The following UGT2A1 variants were observed in gnomAD, a reference collection of about 807,000 sequenced individuals.
The protein encoded by UGT2A1 is UDP-glucuronosyltransferase 2A1.
In UGT2A1, 61 loss-of-function variants were observed where a neutral mutation model predicts 45.4. The ratio of observed to expected loss-of-function variants is 1.34; its 90% CI spans 1.09 to 1.66. UGT2A1 has a LOEUF of 1.66. Among genes scored for constraint, UGT2A1 ranks in the 40% most tolerant of loss-of-function variants. The pLI, the probability that UGT2A1 is intolerant of heterozygous loss-of-function variation, is 0.00. For missense variants in UGT2A1, 649 were observed against 574.3 expected (o/e 1.13, Z -1.33); for synonymous variants, 229 against 196.2 (o/e 1.17, Z -1.40).
chr4:69,617,471 A>G (rs1318445345), intron 3 of UGT2A1, among the ~76,000 whole-genome samples: 1 of 151,956 alleles, frequency 6.6e-6, no homozygotes, highest in African/African-American at 2.4e-5. Flanking sequence ...ATGTGTACGT[A>G]TATACGTAGA....
intron 2 of UGT2A1, chr4:69,639,241 G>T: frequency 6.2e-7 from 1 of 1,613,674 alleles, no homozygotes. Context: ...CCATCACAGA[G>T]TTGTATGTTA....
chr4:69,639,326 G>A (rs779526990), intron 2 of UGT2A1: 2 of 1,613,648 alleles, frequency 1.2e-6, no homozygotes, highest in Admixed American at 3.3e-5. Context: ...TTGGTCTATG[G>A]TCAATCCACA....
At chr4:69,621,763 A>G (rs966377392) in intron 3 of UGT2A1, among the ~76,000 whole-genome samples, 4 of 152,012 alleles carry the variant, frequency 2.6e-5, no homozygotes, top group Admixed American at 1.3e-4. Context: ...AATGCCTATC[A>G]ACGACAGATT....
At chr4:69,632,061 T>C (rs1721418656) in intron 3 of UGT2A1, among the ~76,000 whole-genome samples, 2 of 152,224 alleles carry the variant, frequency 1.3e-5, no homozygotes, top group Non-Finnish European at 2.9e-5. Context: ...ATGTGATGTA[T>C]ATTAACTTTA....
At position 69,594,634 on chromosome 4, in the gene UGT2A1, A is replaced by T; in HGVS notation, c.1147T>A (p.Tyr383Asn). Residue 383 changes from tyrosine to asparagine, a missense_variant, in exon 6 of 7, where the codon TAC (tyrosine) becomes AAC (asparagine). By Grantham distance (143) the Tyr-to-Asn change is moderately radical (BLOSUM62 -2). Transcript: ENST00000286604. ...ACTCCCACCATAGGGACTCCGTGGT[A>T]AATAGCTTCGTAGATCCCATTAGTT... is the stretch of plus-strand genomic sequence containing the variant. ...GGTNGIYEAI[Y>N]HGVPMVGVPM... is the part of the protein sequence containing the mutation. 6.2e-7 allele frequency: 1 copy of T among 1,614,144 alleles called. No homozygotes were observed. Among genetic ancestry groups the T allele is most frequent in the Non-Finnish European group, 8.5e-7 (1 of 1,180,030 alleles).
chr4:69,597,633 C>A (rs1719009361), intron 4 of UGT2A1, among the ~76,000 whole-genome samples: 1 of 152,166 alleles, frequency 6.6e-6, no homozygotes, highest in South Asian at 2.1e-4. Context: ...TAGTTAATGT[C>A]AGGAGAATAT....
intron 3 of UGT2A1, among the ~76,000 whole-genome samples, chr4:69,606,253 G>A (rs933108187): frequency 1.5e-5 from 2 of 136,352 alleles, no homozygotes; most frequent in Non-Finnish European, 3.1e-5. Context: ...TCCCTGGGAC[G>A]CAAGGCTGGG....
At chr4:69,604,075 A>G (rs1719459717) in intron 3 of UGT2A1, among the ~76,000 whole-genome samples, 1 of 136,170 alleles carries the variant, frequency 7.3e-6, no homozygotes, top group African/African-American at 3.0e-5. Flanking sequence ...AACGCCACAA[A>G]GATACTCCTC....
intron 6 of UGT2A1, 132 bp downstream of exon 6, chr4:69,594,345 A>ATT (rs1357165363): frequency 1.1e-5 from 14 of 1,230,648 alleles, no homozygotes; most frequent in Non-Finnish European, 1.5e-5. Context: ...GGCAAATAAA[A>ATT]TAGTTTTTAT....
At chr4:69,600,758 A>C (rs899089114) in intron 3 of UGT2A1, among the ~76,000 whole-genome samples, 1 of 152,004 alleles carries the variant, frequency 6.6e-6, no homozygotes, top group Non-Finnish European at 1.5e-5. Flanking sequence ...GTTGTTTTGC[A>C]TGATGGGAGC....
At chr4:69,652,182 T>TC (rs1471833366) in intron 1 of UGT2A1, among the ~76,000 whole-genome samples, 2 of 92,094 alleles carry the variant, frequency 2.2e-5, no homozygotes, top group Non-Finnish European at 4.7e-5. Context: ...TGCCTTCTAC[T>TC]GGTTAACAAC....
At chr4:69,621,679 C>T (rs111268136) in intron 3 of UGT2A1, among the ~76,000 whole-genome samples, 6,221 of 151,948 alleles carry the variant, frequency 0.041, 151 homozygotes, top group East Asian at 0.069. Flanking sequence ...ATAAATCATT[C>T]TATCATAAAG....
At chr4:69,641,920 T>G (rs892364823) in intron 2 of UGT2A1, among the ~76,000 whole-genome samples, 12 of 151,792 alleles carry the variant, frequency 7.9e-5, no homozygotes, top group South Asian at 4.2e-4. Context: ...ATGATCAAAT[T>G]AATCCGATCT....
intron 2 of UGT2A1, chr4:69,638,855 A>G: frequency 2.7e-6 from 4 of 1,479,018 alleles, no homozygotes; most frequent in Non-Finnish European, 3.6e-6. Flanking sequence ...ATAAGAATAA[A>G]TAAGGGATGT....
At position 69,589,364 on chromosome 4, in the gene UGT2A1, T is replaced by C; in HGVS notation, c.*8A>G. The C allele has an allele frequency of 2.5e-6, 4 of 1,604,964 alleles. No individual in the cohort carries two copies. The highest frequency in any genetic ancestry group is 3.4e-6 in the Non-Finnish European group (4 of 1,175,640). On this transcript the variant is annotated 3_prime_UTR_variant, in exon 7 of 7. Transcript: ENST00000286604. ...TTAAAAATATATATATTTCCTCTTTTTCTTGACCTATTCTCTTTTTTTCTT... is the reference window on the plus strand; with the variant it reads ...TTAAAAATATATATATTTCCTCTTTCTCTTGACCTATTCTCTTTTTTTCTT...
At chr4:69,610,647 G>A (rs1323919428) in intron 3 of UGT2A1, among the ~76,000 whole-genome samples, 1 of 152,096 alleles carries the variant, frequency 6.6e-6, no homozygotes, top group African/African-American at 2.4e-5. Flanking sequence ...GAGTTCAAGG[G>A]TGGGTCTCTA....
In UGT2A1 at chr4:69,603,847, C is replaced by T. The variant is rs545394260; in HGVS notation, c.848-4453G>A. Among the ~76,000 whole-genome samples the T allele has an allele frequency of 3.7e-3, 496 of 135,580 alleles. 117 individuals are homozygous for T. The highest frequency in any genetic ancestry group is 0.014 in the African/African-American group (469 of 33,396). The allele number at this position is 135,580 out of a possible 152,430, so 88.9% of individuals were successfully genotyped here. On this transcript the variant is annotated intron_variant, in intron 3 of 6. Coordinates refer to ENST00000286604, the MANE Select transcript of UGT2A1 (RefSeq NM_001252275.3). Reference sequence around the variant, plus strand: ...GGAAGATCAAATGAATGAAATGAAGCGAGAAGAGAAGTTTAGAGAAAAAAG... The same window carrying T: ...GGAAGATCAAATGAATGAAATGAAGTGAGAAGAGAAGTTTAGAGAAAAAAG...
At chr4:69,625,234 C>G (rs1352723104) in intron 3 of UGT2A1, among the ~76,000 whole-genome samples, 1 of 149,992 alleles carries the variant, frequency 6.7e-6, no homozygotes, top group Non-Finnish European at 1.5e-5. Context: ...CTTTTTATTA[C>G]TCTTCAATAT....
At position 69,647,292 on chromosome 4, in the gene UGT2A1, A is replaced by G; in HGVS notation, c.353T>C (p.Phe118Ser). 4 of 1,613,420 alleles carry G rather than the reference A, an allele frequency of 2.5e-6. No homozygotes were observed. The highest frequency in any genetic ancestry group is 3.4e-6 in the Non-Finnish European group (4 of 1,179,582). The change falls in exon 2 of 7, where the codon TTC becomes TCC. Residue 118 changes from phenylalanine (F) to serine (S), a missense_variant. Phe to Ser is a radical substitution (Grantham distance 155, BLOSUM62 -2). Transcript: ENST00000286604. ...YQEMAKVIKDFHMVSQEICDG... is the reference protein window; with the variant it reads ...YQEMAKVIKDSHMVSQEICDG... ...ACAGATCTCCTGAGACACCATGTGG[A>G]AGTCCTTGATTACTTTGGCCATCTC...
Sources: allele counts gnomAD v4.1 joint callset (sites outside exome capture counted in the v4.1 genomes callset), GRCh38; gene constraint gnomAD v4.1.1; transcripts MANE v1.5; gene names NCBI Gene and HGNC (gene_info 2026-07-23, HGNC 2026-07-21).